The following TAFA2 variants were observed in gnomAD, a reference collection of about 807,000 sequenced individuals.
The protein encoded by TAFA2 is TAFA chemokine like family member 2.
In TAFA2, 7 loss-of-function variants were observed where a neutral mutation model predicts 18.8. That is an observed-to-expected ratio of 0.37 (90% CI 0.21 to 0.70). The LOEUF is 0.70. Among genes scored for constraint, TAFA2 ranks in the 30% least tolerant of loss-of-function variants. The probability of loss-of-function intolerance (pLI) is 0.53; values close to 1 mark genes in which losing one functional copy is unlikely to be tolerated. For synonymous variants in TAFA2, 60 were observed against 54.2 expected, an observed-to-expected ratio of 1.11 and a Z score of -0.47; for missense variants, 122 against 158.1, an observed-to-expected ratio of 0.77 and a Z score of 1.23.
At chr12:62,197,379 A>G (rs1394749884), upstream of TAFA2, among the ~76,000 whole-genome samples, 1 of 152,222 alleles carries the variant, frequency 6.6e-6, no homozygotes, top group African/African-American at 2.4e-5. Context: ...ATAGCTTTCC[A>G]TGTTCTGTTC....
chr12:61,727,245 T>G (rs776621798), intron 4 of TAFA2, among the ~76,000 whole-genome samples: 1 of 152,048 alleles, frequency 6.6e-6, no homozygotes, highest in Non-Finnish European at 1.5e-5. Flanking sequence ...ATAGAATGAT[T>G]TAGGGAGGAT....
intron 1 of TAFA2, among the ~76,000 whole-genome samples, chr12:62,089,396 T>C (rs1204370884): frequency 1.3e-5 from 2 of 152,084 alleles, no homozygotes; most frequent in Non-Finnish European, 1.5e-5. Context: ...CTACATACTA[T>C]GATTTCGAAT....
chr12:62,112,101 G>T (rs1296487770), intron 1 of TAFA2, among the ~76,000 whole-genome samples: 1 of 152,058 alleles, frequency 6.6e-6, no homozygotes, highest in East Asian at 1.9e-4. Context: ...TTTACAATTT[G>T]GTGTGTTTTT....
At chr12:62,110,650 T>C (rs1003044647) in intron 1 of TAFA2, among the ~76,000 whole-genome samples, 3 of 150,000 alleles carry the variant, frequency 2.0e-5, no homozygotes, top group Admixed American at 1.3e-4. Context: ...GGCTATTAAT[T>C]ACTGCCTCAA....
intron 1 of TAFA2, among the ~76,000 whole-genome samples, chr12:61,994,126 G>A (rs1165820983): frequency 6.6e-6 from 1 of 152,040 alleles, no homozygotes; most frequent in Non-Finnish European, 1.5e-5. Flanking sequence ...TCACAGATAT[G>A]TTCACTTGAC....
chr12:62,073,567 C>T (rs1273889692), intron 1 of TAFA2, among the ~76,000 whole-genome samples: 1 of 151,714 alleles, frequency 6.6e-6, no homozygotes, highest in Non-Finnish European at 1.5e-5. Context: ...ATTATCTTAT[C>T]TATATATTAT....
At chr12:61,850,114 C>A (rs1217755820) in intron 2 of TAFA2, among the ~76,000 whole-genome samples, 2 of 151,824 alleles carry the variant, frequency 1.3e-5, no homozygotes, top group Non-Finnish European at 2.9e-5. Context: ...GTATAAATCA[C>A]AGATATACAT....
intron 1 of TAFA2, among the ~76,000 whole-genome samples, chr12:62,068,384 T>C (rs762232402): frequency 6.6e-6 from 1 of 152,182 alleles, no homozygotes; most frequent in Non-Finnish European, 1.5e-5. Flanking sequence ...CACATTAGTG[T>C]CTTGAGGATG....
At chr12:61,880,580 G>A (rs1303445080) in intron 1 of TAFA2, 6 of 466,256 alleles carry the variant, frequency 1.3e-5, no homozygotes, top group South Asian at 4.9e-5. Flanking sequence ...CAGTGGCTAC[G>A]CAGGAGGGCT....
intron 4 of TAFA2, among the ~76,000 whole-genome samples, chr12:61,731,731 C>T (rs901027429): frequency 2.0e-5 from 3 of 151,752 alleles, no homozygotes; most frequent in African/African-American, 7.3e-5. Context: ...TATCATTATC[C>T]CCAGTTTACA....
chr12:61,783,414 T>A (rs2120892902), intron 2 of TAFA2, among the ~76,000 whole-genome samples: 1 of 151,764 alleles, frequency 6.6e-6, no homozygotes, highest in Admixed American at 6.6e-5. Flanking sequence ...ACAATTTCTC[T>A]TCTTTACCAC....
chr12:61,979,701 A>T (rs1879562709), intron 1 of TAFA2, among the ~76,000 whole-genome samples: 1 of 152,036 alleles, frequency 6.6e-6, no homozygotes, highest in Non-Finnish European at 1.5e-5. Flanking sequence ...GGAAATAAAG[A>T]AGAAAAGAAA....
intron 1 of TAFA2, among the ~76,000 whole-genome samples, chr12:62,072,253 A>G (rs2136805887): frequency 6.6e-6 from 1 of 151,656 alleles, no homozygotes; most frequent in African/African-American, 2.4e-5. Flanking sequence ...TCACAAGGTC[A>G]GGAGATCGAG....
intron 1 of TAFA2, among the ~76,000 whole-genome samples, chr12:62,247,025 C>T (rs2062889893): frequency 6.6e-6 from 1 of 152,052 alleles, no homozygotes; most frequent in East Asian, 1.9e-4. Flanking sequence ...TTTCTACAAT[C>T]TTATATATAT....
intron 1 of TAFA2, among the ~76,000 whole-genome samples, chr12:62,107,265 C>T (rs1208078388): frequency 7.0e-6 from 1 of 142,228 alleles, no homozygotes; most frequent in African/African-American, 2.6e-5. Flanking sequence ...GAGGACCAAT[C>T]AGAGTTGATA....
chr12:61,995,842 C>A (rs867372396), intron 1 of TAFA2, among the ~76,000 whole-genome samples: 15 of 147,578 alleles, frequency 1.0e-4, no homozygotes, highest in African/African-American at 3.5e-4. Context: ...TTGTGGTGAT[C>A]AATAAATAAG....
intron 1 of TAFA2, among the ~76,000 whole-genome samples, chr12:62,244,158 A>G (rs1006374020): frequency 2.6e-5 from 4 of 151,628 alleles, no homozygotes; most frequent in Non-Finnish European, 5.9e-5. Flanking sequence ...AAAGAAAACT[A>G]AAAAGAAAAA....
At chr12:61,739,813 T>C (rs972561778) in intron 4 of TAFA2, among the ~76,000 whole-genome samples, 17 of 152,074 alleles carry the variant, frequency 1.1e-4, no homozygotes, top group Non-Finnish European at 4.4e-5. Flanking sequence ...ATGTTGTAAT[T>C]GAAGTTGGGG....
rs559133524 is a variant in TAFA2, at chr12:62,168,543, A to T, written c.-2+22716T>A. Among the ~76,000 whole-genome samples the T allele has an allele frequency of 2.0e-5, 3 of 152,288 alleles. No homozygotes were observed. In the South Asian group the frequency reaches 6.2e-4, roughly 32 times the overall value. On this transcript the variant is annotated intron_variant, in intron 1 of 4. Transcript: ENST00000416284. Reference sequence around the variant, plus strand: ...ATATGAGGGGGAAGTACAGGCCAACAGTTATTTAAGGCCAGGTGTCATGAC... The same window carrying T: ...ATATGAGGGGGAAGTACAGGCCAACTGTTATTTAAGGCCAGGTGTCATGAC...
Sources: allele counts gnomAD v4.1 joint callset (sites outside exome capture counted in the v4.1 genomes callset), GRCh38; gene constraint gnomAD v4.1.1; transcripts MANE v1.5; gene names NCBI Gene and HGNC (gene_info 2026-07-23, HGNC 2026-07-21).